ULK4: variants seen among roughly 807,000 people sequenced by gnomAD.
ULK4 encodes inactive serine/threonine-protein kinase ULK4.
A neutral mutation model predicts 160.6 loss-of-function variants in ULK4; 133 were observed. The ratio of observed to expected loss-of-function variants is 0.83; its 90% CI spans 0.72 to 0.96. The LOEUF is 0.96. Ranked by LOEUF, ULK4 falls within the 40% of genes least tolerant of loss-of-function variation. ULK4 has a pLI of 0.00. For missense variants in ULK4, 1,580 were observed against 1,499.5 expected, an observed-to-expected ratio of 1.05 and a Z score of -0.89; for synonymous variants, 534 against 539.8, an observed-to-expected ratio of 0.99 and a Z score of 0.15.
rs1425854981 is a variant in ULK4 at position 41,789,851 on chromosome 3, G to C, written c.2011-8C>G. On this transcript the variant is annotated splice_polypyrimidine_tract_variant and splice_region_variant and intron_variant, in intron 20 of 36. Transcript: ENST00000301831. ...AGTGATTCTACACAAGGCCTACAAA[G>C]ACAAGAGAACAGACCTGTCAGGCAA... The C allele has an allele frequency of 6.3e-7, 1 of 1,598,382 alleles. No individual in the cohort carries two copies. The highest frequency in any genetic ancestry group is 8.5e-7 in the Non-Finnish European group (1 of 1,172,846).
At position 41,878,999 on chromosome 3, in the gene ULK4, C is replaced by G. The variant is rs546995054; in HGVS notation, c.1656+4875G>C. Among the ~76,000 whole-genome samples the G allele has an allele frequency of 3.3e-5, 5 of 152,044 alleles. No individual in the cohort carries two copies. The South Asian group carries it at 1.0e-3, about 32-fold the overall frequency. On this transcript the variant is annotated intron_variant, in intron 17 of 36. Coordinates refer to ENST00000301831, the MANE Select transcript of ULK4 (RefSeq NM_017886.4). ...TGATAAAGGACTATATTAAATAACA[C>G]CAAAAGGGTGCAGTAAAGCTTCTGG...
At chr3:41,528,626 G>A (rs1472378190) in intron 32 of ULK4, among the ~76,000 whole-genome samples, 1 of 152,134 alleles carries the variant, frequency 6.6e-6, no homozygotes, top group East Asian at 1.9e-4. Context: ...GCATTAATAT[G>A]AACATCAAGA....
At chr3:41,459,577 T>G (rs2083636299) in intron 33 of ULK4, among the ~76,000 whole-genome samples, 1 of 152,218 alleles carries the variant, frequency 6.6e-6, no homozygotes, top group African/African-American at 2.4e-5. Context: ...CAAATAACTG[T>G]GCTAAGGCAG....
intron 34 of ULK4, among the ~76,000 whole-genome samples, chr3:41,440,140 G>A (rs531166944): frequency 6.6e-6 from 1 of 152,148 alleles, no homozygotes; most frequent in Non-Finnish European, 1.5e-5. Flanking sequence ...TGTCATCTAT[G>A]GATAAAGACA....
At chr3:41,481,006 T>A (rs2084305683) in intron 32 of ULK4, among the ~76,000 whole-genome samples, 1 of 152,178 alleles carries the variant, frequency 6.6e-6, no homozygotes, top group Admixed American at 6.5e-5. Flanking sequence ...AGATGAGATG[T>A]GGATAGGGAC....
Position 41,950,435 on chromosome 3 carries a change from G to C in ULK4, c.138+4187C>G, listed in dbSNP as rs187583678. 5.1e-4 allele frequency among the ~76,000 whole-genome samples: 78 copies of C among 152,184 alleles called. No individual in the cohort carries two copies. The East Asian group carries it at 0.012, about 23-fold the overall frequency. ...TTTTTGTATTTTTAGTAGAGACAGG[G>C]TTTCACCGTGTTGGACAGGCTGGTC... On this transcript the variant is annotated intron_variant, in intron 2 of 36. Coordinates refer to ENST00000301831, the MANE Select transcript of ULK4 (RefSeq NM_017886.4).
chr3:41,714,537 T>A (rs2037200184), intron 25 of ULK4, among the ~76,000 whole-genome samples: 1 of 152,146 alleles, frequency 6.6e-6, no homozygotes, highest in Admixed American at 6.5e-5. Context: ...ATTTCCCTCC[T>A]CATTTTATCA....
intron 34 of ULK4, among the ~76,000 whole-genome samples, chr3:41,417,486 A>C (rs2082554080): frequency 6.6e-6 from 1 of 152,172 alleles, no homozygotes; most frequent in Admixed American, 6.5e-5. Flanking sequence ...AGCTCACAGA[A>C]GGCTGGGGTT....
intron 17 of ULK4, among the ~76,000 whole-genome samples, chr3:41,850,890 A>G (rs2042195031): frequency 6.6e-6 from 1 of 152,154 alleles, no homozygotes; most frequent in Non-Finnish European, 1.5e-5. Flanking sequence ...GCCCATGCCT[A>G]TGTCCTGAAT....
intron 32 of ULK4, among the ~76,000 whole-genome samples, chr3:41,540,581 T>C (rs1462654700): frequency 6.6e-6 from 1 of 152,214 alleles, no homozygotes; most frequent in Admixed American, 6.5e-5. Context: ...TCAAATGGTA[T>C]TTCTAGTTCT....
chr3:41,583,144 C>A (rs1456488766), intron 31 of ULK4, among the ~76,000 whole-genome samples: 2 of 152,042 alleles, frequency 1.3e-5, no homozygotes, highest in African/African-American at 4.8e-5. Context: ...CTATATGCTC[C>A]CCAGAAATGC....
chr3:41,431,310 T>G (rs1232900331), intron 34 of ULK4, among the ~76,000 whole-genome samples: 1 of 150,942 alleles, frequency 6.6e-6, no homozygotes, highest in African/African-American at 2.4e-5. Context: ...ATCGCGCCGC[T>G]GCACTACAGC....
rs546567983 is a variant in ULK4, at chr3:41,571,054, G to A, written c.3121-4924C>T. On this transcript the variant is annotated intron_variant, in intron 31 of 36. Transcript: ENST00000301831. ...AAACTGTTCCACTTCTATTCTAGAC[G>A]TTATTAAAAACACTGTTTTCTTTAT... Among the ~76,000 whole-genome samples, 22 of 152,244 alleles carry A rather than the reference G, an allele frequency of 1.4e-4. 1 individual carries two copies. Among genetic ancestry groups the A allele is most frequent in the Admixed American group, 7.2e-4 (11 of 15,292 alleles).
chr3:41,571,687 G>A (rs903431348), intron 31 of ULK4, among the ~76,000 whole-genome samples: 2 of 152,180 alleles, frequency 1.3e-5, no homozygotes, highest in Non-Finnish European at 2.9e-5. Flanking sequence ...TCTGACTAAA[G>A]ACTATTTCAT....
intron 21 of ULK4, among the ~76,000 whole-genome samples, chr3:41,762,487 C>A (rs2039016853): frequency 6.6e-6 from 1 of 151,956 alleles, no homozygotes; most frequent in Non-Finnish European, 1.5e-5. Flanking sequence ...TATTAAGATA[C>A]CACCTCAGAC....
intron 29 of ULK4, among the ~76,000 whole-genome samples, chr3:41,668,514 C>G (rs906988275): frequency 3.3e-5 from 5 of 152,140 alleles, no homozygotes; most frequent in South Asian, 2.1e-4. Context: ...CTGGGAGCAA[C>G]AGGCTATACC....
intron 35 of ULK4, among the ~76,000 whole-genome samples, chr3:41,303,525 T>C (rs1273009130): frequency 6.6e-6 from 1 of 152,134 alleles, no homozygotes; most frequent in African/African-American, 2.4e-5. Context: ...TCAGCTTGAG[T>C]TTTCCCTATT....
chr3:41,813,024 T>A (rs80350654), intron 19 of ULK4, among the ~76,000 whole-genome samples: 1,911 of 152,308 alleles, frequency 0.013, 37 homozygotes, highest in African/African-American at 0.041. Flanking sequence ...CAACATTTTT[T>A]AGCTTACATA....
In ULK4 at chr3:41,729,204, A is replaced by G. The variant is rs148751825; in HGVS notation, c.2322-11343T>C. Among the ~76,000 whole-genome samples the G allele has an allele frequency of 3.2e-4, 49 of 152,292 alleles. No homozygotes were observed. The East Asian group carries it at 5.2e-3, about 16-fold the overall frequency. On this transcript the variant is annotated intron_variant, in intron 22 of 36. Transcript: ENST00000301831. ...TGCTCTCTGCCACCCTGTCTCCCCA[A>G]TTGGGATCAACTCGGAATCATGAGG...
Sources: allele counts gnomAD v4.1 joint callset (sites outside exome capture counted in the v4.1 genomes callset), GRCh38; gene constraint gnomAD v4.1.1; transcripts MANE v1.5; gene names NCBI Gene and HGNC (gene_info 2026-07-23, HGNC 2026-07-21).